The following MIS18A variants were observed in gnomAD, a reference collection of about 807,000 sequenced individuals.
MIS18A encodes the protein protein Mis18-alpha.
In MIS18A, 14 loss-of-function variants were observed where a neutral mutation model predicts 25.0. That is an observed-to-expected ratio of 0.56 (90% confidence interval 0.37 to 0.88). MIS18A has a LOEUF of 0.88. Among genes scored for constraint, MIS18A ranks in the 40% least tolerant of loss-of-function variants. The probability of loss-of-function intolerance (pLI) is 0.00; values close to 1 mark genes in which losing one functional copy is unlikely to be tolerated. For synonymous variants in MIS18A, 134 were observed against 118.6 expected, an observed-to-expected ratio of 1.13 and a Z score of -0.84; for missense variants, 292 against 290.8, an observed-to-expected ratio of 1.00 and a Z score of -0.03.
chr21:32,194,652 T>C, the MIS18A span, among the ~76,000 whole-genome samples: 21 of 147,104 alleles, frequency 1.4e-4, no homozygotes, highest in Non-Finnish European at 2.1e-4. Flanking sequence ...AGAGCAAAAC[T>C]CCGTCTCGAA....
At chr21:32,220,178 CTG>C in the MIS18A span, among the ~76,000 whole-genome samples, 2 of 152,234 alleles carry the variant, frequency 1.3e-5, no homozygotes, top group African/African-American at 4.8e-5. Flanking sequence ...TGCCTCCTGA[CTG>C]TGAGACACCT....
downstream of MIS18A, among the ~76,000 whole-genome samples, chr21:32,265,244 C>T (rs1382876169): frequency 6.6e-6 from 1 of 152,180 alleles, no homozygotes; most frequent in African/African-American, 2.4e-5. Context: ...CTGAGGAGCC[C>T]TTCAGCCCCC....
At chr21:32,241,544 AT>A in the MIS18A span, among the ~76,000 whole-genome samples, 4 of 152,140 alleles carry the variant, frequency 2.6e-5, no homozygotes, top group African/African-American at 9.7e-5. Context: ...GTTCCTGAGA[AT>A]TTAGGAAGAC....
chr21:32,244,546 G>A, the MIS18A span, among the ~76,000 whole-genome samples: 1 of 152,142 alleles, frequency 6.6e-6, no homozygotes, highest in Non-Finnish European at 1.5e-5. Context: ...AGATCTGCCT[G>A]GGCAACATAG....
the MIS18A span, among the ~76,000 whole-genome samples, chr21:32,199,337 G>C: frequency 1.3e-5 from 2 of 151,916 alleles, no homozygotes; most frequent in African/African-American, 2.4e-5. Flanking sequence ...GGGAGTTGGG[G>C]CTACCTTTGC....
the MIS18A span, among the ~76,000 whole-genome samples, chr21:32,196,815 C>T: frequency 2.0e-5 from 3 of 151,838 alleles, no homozygotes; most frequent in Non-Finnish European, 4.4e-5. Flanking sequence ...AGAGATAGGT[C>T]GGATAGATAG....
chr21:32,233,321 C>A, the MIS18A span, among the ~76,000 whole-genome samples: 1 of 152,120 alleles, frequency 6.6e-6, no homozygotes, highest in Non-Finnish European at 1.5e-5. Context: ...GTTCTGTAAT[C>A]TTCAGGGTTG....
chr21:32,231,679 C>T, the MIS18A span, among the ~76,000 whole-genome samples: 5 of 152,148 alleles, frequency 3.3e-5, no homozygotes, highest in South Asian at 2.1e-4. Flanking sequence ...TTTGGGAGGC[C>T]GAGGCAGGCA....
the MIS18A span, among the ~76,000 whole-genome samples, chr21:32,202,316 G>GA: frequency 5.3e-5 from 8 of 150,790 alleles, no homozygotes; most frequent in African/African-American, 1.9e-4. Context: ...GAAAAGAAAA[G>GA]AAAAAAAGAG....
intron 4 of MIS18A, 152 bp downstream of exon 4, chr21:32,269,555 A>C: frequency 3.6e-6 from 2 of 556,948 alleles, no homozygotes; most frequent in East Asian, 3.1e-5. Context: ...TGAGTTCCCC[A>C]AAAATCAACT....
At chr21:32,199,164 C>T in the MIS18A span, among the ~76,000 whole-genome samples, 1 of 152,066 alleles carries the variant, frequency 6.6e-6, no homozygotes, top group Non-Finnish European at 1.5e-5. Context: ...TATGGATTTG[C>T]ATATTTAACA....
At chr21:32,197,065 C>A in the MIS18A span, among the ~76,000 whole-genome samples, 3 of 152,118 alleles carry the variant, frequency 2.0e-5, no homozygotes, top group Non-Finnish European at 4.4e-5. Context: ...TTGAGAATAA[C>A]AGAACCTATT....
chr21:32,266,257 G>A (rs1046110905), downstream of MIS18A, among the ~76,000 whole-genome samples: 13 of 122,678 alleles, frequency 1.1e-4, no homozygotes, highest in African/African-American at 2.3e-4. Flanking sequence ...TGATGGGGAC[G>A]TGGAGAACCT....
At chr21:32,192,383 C>T in the MIS18A span, among the ~76,000 whole-genome samples, 2 of 152,178 alleles carry the variant, frequency 1.3e-5, no homozygotes, top group African/African-American at 4.8e-5. Flanking sequence ...AACAATGTCA[C>T]TGAGGTCTCC....
downstream of MIS18A, among the ~76,000 whole-genome samples, chr21:32,267,191 C>T (rs1159288781): frequency 1.3e-5 from 2 of 152,226 alleles, no homozygotes; most frequent in Non-Finnish European, 2.9e-5. Context: ...CAAGGCCACC[C>T]CTTCAGGGAT....
chr21:32,164,286 G>T, the MIS18A span, among the ~76,000 whole-genome samples: 11 of 152,252 alleles, frequency 7.2e-5, no homozygotes, highest in African/African-American at 2.2e-4. Flanking sequence ...TAGAAGATGG[G>T]GGATAAAGAG....
At chr21:32,173,675 T>C in the MIS18A span, among the ~76,000 whole-genome samples, 3 of 152,168 alleles carry the variant, frequency 2.0e-5, no homozygotes, top group Admixed American at 2.0e-4. Flanking sequence ...CAAAGATATA[T>C]TGTATGATTC....
the MIS18A span, among the ~76,000 whole-genome samples, chr21:32,242,337 C>G: frequency 9.9e-5 from 15 of 152,264 alleles, no homozygotes; most frequent in Non-Finnish European, 1.6e-4. Flanking sequence ...AAAGCCAGTG[C>G]CTGTTTCCTC....
chr21:32,264,446 G>A (rs1181710957), downstream of MIS18A, among the ~76,000 whole-genome samples: 2 of 152,032 alleles, frequency 1.3e-5, no homozygotes, highest in Admixed American at 6.5e-5. Context: ...ATTTAAATAA[G>A]GCTAAATCTT....
Sources: gnomAD v4.1 joint callset for allele counts (sites outside exome capture counted in the v4.1 genomes callset) on GRCh38, gnomAD v4.1.1 for gene constraint, MANE v1.5 for transcripts, NCBI Gene and HGNC (gene_info 2026-07-23, HGNC 2026-07-21) for gene names.